The following APAF1 variants were observed in gnomAD, a reference collection of about 807,000 sequenced individuals.
APAF1 encodes the protein apoptotic peptidase activating factor 1.
In APAF1, 91 loss-of-function variants were observed where a neutral mutation model predicts 152.4. That is an observed-to-expected ratio of 0.60 (90% CI 0.50 to 0.71). The LOEUF (loss-of-function observed/expected upper bound fraction) is 0.71, where lower values mean the gene tolerates loss of function less well. Ranked by LOEUF, APAF1 falls within the 30% of genes least tolerant of loss-of-function variation. APAF1 has a pLI of 0.00. For missense variants in APAF1, 1,283 were observed against 1,472.0 expected (o/e 0.87, Z 2.10); for synonymous variants, 484 against 494.1 (o/e 0.98, Z 0.27).
intron 15 of APAF1, 45 bp downstream of exon 15, chr12:98,683,319 C>T: frequency 6.3e-7 from 1 of 1,588,480 alleles, no homozygotes; most frequent in Non-Finnish European, 8.6e-7. Context: ...TTGATTCGTA[C>T]ATCAGAGTAT....
chr12:98,666,024 T>C (rs1330284263), intron 8 of APAF1, among the ~76,000 whole-genome samples, 166 bp from the exon 9 acceptor site: 2 of 152,214 alleles, frequency 1.3e-5, no homozygotes, highest in African/African-American at 4.8e-5. Context: ...ATCTGACTTC[T>C]CTTTCTCTTT....
At chr12:98,672,244 A>C (rs1263088158) in intron 12 of APAF1, among the ~76,000 whole-genome samples, 1 of 152,046 alleles carries the variant, frequency 6.6e-6, no homozygotes, top group Admixed American at 6.6e-5. Context: ...GGCTCACTGC[A>C]ACCTCTGCCT....
chr12:98,664,919 T>C (rs981194655), intron 7 of APAF1, among the ~76,000 whole-genome samples: 1 of 152,220 alleles, frequency 6.6e-6, no homozygotes, highest in Non-Finnish European at 1.5e-5. Context: ...GGCATAATAT[T>C]GATATATCTT....
intron 22 of APAF1, 60 bp from the exon 23 acceptor site, chr12:98,723,133 C>G (rs996291074): frequency 9.6e-6 from 15 of 1,563,010 alleles, no homozygotes; most frequent in Non-Finnish European, 1.3e-5. Flanking sequence ...ACTCTCTCCA[C>G]CCCTCCAATG....
chr12:98,686,951 T>C (rs1565876213), intron 16 of APAF1, 78 bp downstream of exon 16: 2 of 1,437,992 alleles, frequency 1.4e-6, no homozygotes, highest in Non-Finnish European at 1.9e-6. Context: ...TAGGTTTCTG[T>C]TTTTTCACAT....
At chr12:98,647,112 T>TA (rs1477808104) in intron 1 of APAF1, among the ~76,000 whole-genome samples, 4 of 151,696 alleles carry the variant, frequency 2.6e-5, no homozygotes, top group South Asian at 2.1e-4. Flanking sequence ...TAATGTGTGC[T>TA]AAAAAAAATT....
chr12:98,674,400 A>G (rs938293488), intron 12 of APAF1, among the ~76,000 whole-genome samples: 7 of 152,168 alleles, frequency 4.6e-5, no homozygotes, highest in South Asian at 2.1e-4. Flanking sequence ...CCCACTTTCC[A>G]GAGTTGACCA....
intron 4 of APAF1, among the ~76,000 whole-genome samples, chr12:98,651,449 GT>G (rs2097648829): frequency 6.6e-6 from 1 of 152,106 alleles, no homozygotes; most frequent in African/African-American, 2.4e-5. Flanking sequence ...ATGACACAAT[GT>G]TTTTAAGATT....
intron 4 of APAF1, 131 bp downstream of exon 4, chr12:98,649,815 A>C (rs2097646642): frequency 1.2e-6 from 1 of 860,412 alleles, no homozygotes; most frequent in Non-Finnish European, 1.8e-6. Flanking sequence ...AAGGAAGGAT[A>C]TGTTAACTCT....
intron 17 of APAF1, among the ~76,000 whole-genome samples, chr12:98,702,818 GCAA>G (rs1427852661): frequency 1.4e-5 from 2 of 147,354 alleles, no homozygotes; most frequent in African/African-American, 2.5e-5. Context: ...TCCAGCCTGG[GCAA>G]CAAGAGCAGA....
intron 16 of APAF1, among the ~76,000 whole-genome samples, chr12:98,696,358 G>T (rs2097709856): frequency 6.6e-6 from 1 of 152,076 alleles, no homozygotes; most frequent in Non-Finnish European, 1.5e-5. Context: ...TCAACAACCC[G>T]CACTCTTGAG....
In APAF1 at chr12:98,648,529, T is replaced by A. The variant is rs895445197; in HGVS notation, c.138+32T>A. 1.9e-6 allele frequency: 3 copies of A among 1,609,750 alleles called. No individual in the cohort carries two copies. The African/African-American group carries it at 4.0e-5, about 22-fold the overall frequency. The stretch of plus-strand genomic sequence containing the variant: ...CTCTCTGAAGCAGTCCACACTTCCT[T>A]AAAAATTTTTAGAATTTCAGAACTT... On this transcript the variant is annotated intron_variant, in intron 2 of 26. Transcript: ENST00000551964.
intron 22 of APAF1, 57 bp downstream of exon 22, chr12:98,715,609 T>C: frequency 6.3e-7 from 1 of 1,589,934 alleles, no homozygotes; most frequent in Non-Finnish European, 8.6e-7. Context: ...AAAGGAACAC[T>C]ATGATTATGC....
At chr12:98,662,434 T>C in intron 5 of APAF1, 22 bp from the exon 6 acceptor site, 2 of 1,519,336 alleles carry the variant, frequency 1.3e-6, no homozygotes, top group South Asian at 2.2e-5. Context: ...CATTAGTGAT[T>C]AATATTTTTT....
At chr12:98,674,346 A>T (rs79517178) in intron 12 of APAF1, among the ~76,000 whole-genome samples, 4 of 152,244 alleles carry the variant, frequency 2.6e-5, no homozygotes, top group African/African-American at 9.6e-5. Flanking sequence ...TAGTAATAGG[A>T]TGTAAGATGA....
chr12:98,693,353 C>T (rs2097706373), intron 16 of APAF1, among the ~76,000 whole-genome samples: 1 of 152,070 alleles, frequency 6.6e-6, no homozygotes, highest in Non-Finnish European at 1.5e-5. Flanking sequence ...CTCAGCCTCC[C>T]AAAGTGCTGG....
intron 22 of APAF1, among the ~76,000 whole-genome samples, chr12:98,716,086 C>A (rs1240832802): frequency 6.6e-6 from 1 of 152,146 alleles, no homozygotes; most frequent in Non-Finnish European, 1.5e-5. Flanking sequence ...AATAGTATTA[C>A]AAGACTTATT....
intron 4 of APAF1, among the ~76,000 whole-genome samples, chr12:98,650,058 G>T (rs539781156): frequency 6.6e-6 from 1 of 152,224 alleles, no homozygotes; most frequent in African/African-American, 2.4e-5. Flanking sequence ...GGTTCTCAGG[G>T]TATTCATCAG....
intron 12 of APAF1, among the ~76,000 whole-genome samples, chr12:98,672,643 A>C (rs1480160063): frequency 1.3e-5 from 2 of 152,200 alleles, no homozygotes; most frequent in African/African-American, 4.8e-5. Context: ...ATAAAAAGGA[A>C]AGGATAGCTA....
Sources: allele counts gnomAD v4.1 joint callset (sites outside exome capture counted in the v4.1 genomes callset), GRCh38; gene constraint gnomAD v4.1.1; transcripts MANE v1.5; gene names NCBI Gene and HGNC (gene_info 2026-07-23, HGNC 2026-07-21).